The following TBC1D4 variants were observed in gnomAD, a reference collection of about 807,000 sequenced individuals.
TBC1D4 encodes the protein TBC1 domain family member 4.
A neutral mutation model predicts 142.5 loss-of-function variants in TBC1D4; 121 were observed. That is an observed-to-expected ratio of 0.85 (90% CI 0.73 to 0.99). The LOEUF (loss-of-function observed/expected upper bound fraction) is 0.99. TBC1D4 is among the 50% of genes least tolerant of loss of function. The pLI, the probability that TBC1D4 is intolerant of heterozygous loss-of-function variation, is 0.00. For missense variants in TBC1D4, 1,475 were observed against 1,606.6 expected (o/e 0.92, Z 1.40); for synonymous variants, 630 against 628.2 (o/e 1.00, Z -0.04).
chr13:75,422,368 A>AT, intron 1 of TBC1D4, among the ~76,000 whole-genome samples: 1 of 152,368 alleles, frequency 6.6e-6, no homozygotes, highest in East Asian at 1.9e-4. Flanking sequence ...ATGAGAAACT[A>AT]TAACACACAG....
At chr13:75,339,766 C>T (rs770008786) in intron 7 of TBC1D4, among the ~76,000 whole-genome samples, 7 of 151,948 alleles carry the variant, frequency 4.6e-5, no homozygotes, top group East Asian at 1.9e-4. Flanking sequence ...TTAGTAGAGA[C>T]GGGGTTTCAC....
At chr13:75,406,998 T>A (rs1885377773) in intron 1 of TBC1D4, among the ~76,000 whole-genome samples, 2 of 152,166 alleles carry the variant, frequency 1.3e-5, no homozygotes, top group Admixed American at 1.3e-4. Context: ...TAGTTATGTA[T>A]CATTTCAGGC....
At chr13:75,380,994 T>C (rs1426454865) in intron 1 of TBC1D4, among the ~76,000 whole-genome samples, 1 of 152,172 alleles carries the variant, frequency 6.6e-6, no homozygotes, top group Non-Finnish European at 1.5e-5. Flanking sequence ...TATGTGATTT[T>C]TGGCACACTT....
At chr13:75,459,740 T>C (rs902985115) in intron 1 of TBC1D4, among the ~76,000 whole-genome samples, 2 of 152,200 alleles carry the variant, frequency 1.3e-5, no homozygotes, top group Non-Finnish European at 2.9e-5. Flanking sequence ...TCAATCCTTA[T>C]ACTTCTTATA....
chr13:75,414,915 G>T (rs1885846659), intron 1 of TBC1D4, among the ~76,000 whole-genome samples: 1 of 152,040 alleles, frequency 6.6e-6, no homozygotes, highest in Non-Finnish European at 1.5e-5. Flanking sequence ...CCTGAGGTCA[G>T]GAGTTTGAGA....
chr13:75,415,378 G>A (rs960950458), intron 1 of TBC1D4, among the ~76,000 whole-genome samples: 12 of 152,130 alleles, frequency 7.9e-5, no homozygotes, highest in Non-Finnish European at 1.5e-5. Flanking sequence ...TTGGATTGAT[G>A]ACATTTCCAG....
At chr13:75,314,664 TTCAAAAC>T (rs1390612195) in intron 12 of TBC1D4, among the ~76,000 whole-genome samples, 1 of 152,132 alleles carries the variant, frequency 6.6e-6, no homozygotes, top group Non-Finnish European at 1.5e-5. Context: ...GTGTCCATTG[TTCAAAAC>T]TCCTGAGGCA....
chr13:75,446,837 T>C (rs919946357), intron 1 of TBC1D4, among the ~76,000 whole-genome samples: 1 of 151,410 alleles, frequency 6.6e-6, no homozygotes, highest in Admixed American at 6.6e-5. Context: ...TTAGTCCATA[T>C]AATTTTTTTT....
rs1253796411 is a variant in TBC1D4, at chr13:75,285,903, A to G, written c.*889T>C. On this transcript the variant is annotated 3_prime_UTR_variant, in exon 21 of 21. Coordinates refer to ENST00000377636, the MANE Select transcript of TBC1D4 (RefSeq NM_014832.5). ...TGTCATTTGGTGACTGTGGCACCAA[A>G]TAAAGAGGAATTCATTCACAACTGA... 1 of 152,648 alleles carries G rather than the reference A, an allele frequency of 6.6e-6. No homozygotes were observed. Among genetic ancestry groups the G allele is most frequent in the African/African-American group, 2.4e-5 (1 of 41,462 alleles). 9.5% of individuals were successfully genotyped at this position (152,648 alleles called of 1,614,324 possible).
At chr13:75,385,124 C>G (rs1220709777) in intron 1 of TBC1D4, among the ~76,000 whole-genome samples, 1 of 152,168 alleles carries the variant, frequency 6.6e-6, no homozygotes, top group Non-Finnish European at 1.5e-5. Flanking sequence ...AAAAAAACTT[C>G]CCTCCATGGC....
rs544136067 is a variant in TBC1D4, at chr13:75,354,483, A to T, written c.1275+1664T>A. Among the ~76,000 whole-genome samples the T allele has an allele frequency of 3.9e-5, 6 of 152,352 alleles. No individual in the cohort carries two copies. In the South Asian group the frequency reaches 1.2e-3, roughly 32 times the overall value. On this transcript the variant is annotated intron_variant, in intron 4 of 20. Transcript: ENST00000377636. ...CTTATCTTTCAGTCAATAGGATTTG[A>T]TGAACAACTGCACATAAAATGTGAA...
intron 1 of TBC1D4, among the ~76,000 whole-genome samples, chr13:75,462,219 G>A (rs1488184034): frequency 1.3e-5 from 2 of 151,850 alleles, no homozygotes; most frequent in East Asian, 1.9e-4. Context: ...ATACATGAAG[G>A]GCAGTTCAAT....
At chr13:75,330,402 T>C (rs1378250043) in intron 8 of TBC1D4, among the ~76,000 whole-genome samples, 4 of 152,220 alleles carry the variant, frequency 2.6e-5, no homozygotes, top group Non-Finnish European at 5.9e-5. Context: ...AAAACAATAA[T>C]AAAATTAATA....
rs777325038 is a variant in TBC1D4 at position 75,326,386 on chromosome 13, G to A, written c.1844C>T (p.Pro615Leu). ...CCAAGCTGAGGACGGTGGGGACGCT[G>A]GCGGTGTCCCTGGTGGAGAATCCCC... ...SPGDSPPGTP[P>L]ASPPSSAWQT... is the part of the protein sequence containing the mutation. Residue 615 changes from proline to leucine, a missense_variant, in exon 10 of 21, where the codon CCA (proline) becomes CTA (leucine). Transcript: ENST00000377636. 6.2e-7 allele frequency: 1 copy of A among 1,614,138 alleles called. No individual in the cohort carries two copies. Among genetic ancestry groups the A allele is most frequent in the East Asian group, 2.2e-5 (1 of 44,856 alleles).
rs890348120 is a variant in TBC1D4, at chr13:75,362,941, C to T, written c.499-334G>A. Among the ~76,000 whole-genome samples, 38 of 152,094 alleles carry T rather than the reference C, an allele frequency of 2.5e-4. No individual in the cohort carries two copies. Among genetic ancestry groups the T allele is most frequent in the African/African-American group, 9.2e-4 (38 of 41,404 alleles). On this transcript the variant is annotated intron_variant, in intron 1 of 20. Transcript: ENST00000377636. This position sits in a 1 kb window ranked among gnomAD's most constrained non-coding sequence, Gnocchi z 4.2. ...GATTGTGTTTAAAAGTTATTTGTGC[C>T]TCAGCTGAAAGGAACCAAAGTTCCA...
chr13:75,286,919 G>A lies in TBC1D4; in HGVS notation c.3770C>T (p.Ala1257Val), dbSNP rs1044320663. ...GAGTTGCTCCACTGTCTTTTGATAA[G>A]CCATTTTTTCTTGTTCCAGGGTCCG... ...LIRTLEQEKMAYQKTVEQLRK... is the reference protein window; with the variant it reads ...LIRTLEQEKMVYQKTVEQLRK... Residue 1257 changes from alanine (A) to valine (V), a missense_variant, in exon 21 of 21, where the codon GCT becomes GTT. Physicochemically the swap from Ala to Val is moderately conservative, Grantham distance 64. This residue lies in a region of TBC1D4 where 248 missense variants were observed against 338.9 expected (regional missense o/e 0.73). Transcript: ENST00000377636. 6 of 1,613,946 alleles carry A rather than the reference G, an allele frequency of 3.7e-6. No homozygotes were observed. Among genetic ancestry groups the A allele is most frequent in the Non-Finnish European group, 5.1e-6 (6 of 1,179,964 alleles).
chr13:75,334,902 T>C (rs1403815450), intron 8 of TBC1D4, among the ~76,000 whole-genome samples: 1 of 152,138 alleles, frequency 6.6e-6, no homozygotes, highest in Non-Finnish European at 1.5e-5. Context: ...TTCATATTAG[T>C]AATTTCTTCC....
chr13:75,448,253 C>A (rs1036993975), intron 1 of TBC1D4, among the ~76,000 whole-genome samples: 1 of 152,100 alleles, frequency 6.6e-6, no homozygotes, highest in African/African-American at 2.4e-5. Context: ...CTCTTTCTTT[C>A]AAGTTGGATG....
intron 1 of TBC1D4, among the ~76,000 whole-genome samples, chr13:75,365,331 T>C (rs369049456): frequency 6.9e-6 from 1 of 144,186 alleles, no homozygotes; most frequent in Admixed American, 6.7e-5. Context: ...ACAACAGCTC[T>C]GTTTTTTTTT....
Sources: gnomAD v4.1 joint callset for allele counts (sites outside exome capture counted in the v4.1 genomes callset) on GRCh38, gnomAD v4.1.1 for gene constraint, gnomAD v4.1.1 regional missense constraint, Gnocchi (gnomAD v3.1) non-coding constraint, MANE v1.5 for transcripts, NCBI Gene and HGNC (gene_info 2026-07-23, HGNC 2026-07-21) for gene names.